DSG1: variants seen among roughly 807,000 people sequenced by gnomAD.
DSG1 encodes the protein desmoglein 1.
In DSG1, 39 loss-of-function variants were observed where a neutral mutation model predicts 97.5. That is an observed-to-expected ratio of 0.40 (90% CI 0.31 to 0.52). The LOEUF (loss-of-function observed/expected upper bound fraction) is 0.52, where lower values mean the gene tolerates loss of function less well. Ranked by LOEUF, DSG1 falls within the 20% of genes least tolerant of loss-of-function variation. The pLI, the probability that DSG1 is intolerant of heterozygous loss-of-function variation, is 0.53. For missense variants in DSG1, 1,311 were observed against 1,295.4 expected, an observed-to-expected ratio of 1.01 and a Z score of -0.18; for synonymous variants, 475 against 443.4, an observed-to-expected ratio of 1.07 and a Z score of -0.90.
In DSG1 at chr18:31,354,370, G is replaced by T. The variant is rs1411440944; in HGVS notation, c.2174G>T (p.Gly725Val). The change falls in exon 15 of 15, where the codon GGT becomes GTT. Residue 725 changes from glycine (G) to valine (V), a missense_variant. Gly to Val is a moderately radical substitution (Grantham distance 109). Coordinates refer to ENST00000257192, the MANE Select transcript of DSG1 (RefSeq NM_001942.4). ...TGTTTGCTCATATATGACATCGAAG[G>T]TGTAGGTTCCCCTGCTGGCTCTGTG... ...NDCLLIYDIE[G>V]VGSPAGSVGC... 1 of 1,614,076 alleles carries T rather than the reference G, an allele frequency of 6.2e-7. No individual in the cohort carries two copies. Among genetic ancestry groups the T allele is most frequent in the Non-Finnish European group, 8.5e-7 (1 of 1,180,040 alleles).
rs1286699612 is a variant in DSG1 at position 31,334,017 on chromosome 18, T to G, written c.820T>G (p.Tyr274Asp). ...DNIPYMEQSS[Y>D]TIEIQENTLN... ...TAAGAGTTTTCACTTCTTGTTTCAG[T>G]ATACCATAGAAATTCAAGAAAATAC... The change falls in exon 8 of 15, where the codon TAT (tyrosine) becomes GAT (aspartate). Residue 274 changes from tyrosine (Y) to aspartate (D), a missense_variant and splice_region_variant. This residue lies in a region of DSG1 where 1,038 missense variants were observed against 964.6 expected (regional missense o/e 1.08). Transcript: ENST00000257192. 5 of 1,596,018 alleles carry G rather than the reference T, an allele frequency of 3.1e-6. No homozygotes were observed. Among genetic ancestry groups the G allele is most frequent in the Non-Finnish European group, 4.3e-6 (5 of 1,164,020 alleles).
At chr18:31,332,563 T>C (rs1232743496) in intron 6 of DSG1, among the ~76,000 whole-genome samples, 7 of 150,988 alleles carry the variant, frequency 4.6e-5, no homozygotes, top group Admixed American at 4.6e-4. Context: ...ATAAGTGCTT[T>C]TTCATTATTT....
In DSG1 at chr18:31,352,099, A is replaced by G. The variant is rs369314709; in HGVS notation, c.2101-2198A>G. On this transcript the variant is annotated intron_variant, in intron 14 of 14. Transcript: ENST00000257192. Reference sequence around the variant, plus strand: ...TTACATTTTGGCATGATTTTGCAGCAGCTGGTACCGGTTGTTCCTTTCCAT... The same window carrying G: ...TTACATTTTGGCATGATTTTGCAGCGGCTGGTACCGGTTGTTCCTTTCCAT... 7.9e-5 allele frequency among the ~76,000 whole-genome samples: 12 copies of G among 151,930 alleles called. No homozygotes were observed. The South Asian group carries it at 8.3e-4, about 11-fold the overall frequency.
Position 31,336,370 on chromosome 18 carries a change from C to T in DSG1, c.1022C>T (p.Ala341Val), listed in dbSNP as rs1171909344. The change falls in exon 9 of 15, where the codon GCT (alanine) becomes GTT (valine). Residue 341 changes from alanine to valine, a missense_variant. By Grantham distance (64) the Ala-to-Val change is moderately conservative. This residue lies in a region of DSG1 where 1,038 missense variants were observed against 964.6 expected (regional missense o/e 1.08). Transcript: ENST00000257192. ...LKVVKPLDYEAMQSLQLSIGV... is the reference protein window; with the variant it reads ...LKVVKPLDYEVMQSLQLSIGV... ...ATTTTCTAGCCCTTAGATTATGAAGCTATGCAGAGTCTGCAACTCAGTATT... is the reference window on the plus strand; with the variant it reads ...ATTTTCTAGCCCTTAGATTATGAAGTTATGCAGAGTCTGCAACTCAGTATT... 9 of 1,613,518 alleles carry T rather than the reference C, an allele frequency of 5.6e-6. No individual in the cohort carries two copies. The highest frequency in any genetic ancestry group is 1.3e-5 in the African/African-American group (1 of 75,010).
At chr18:31,336,267 G>GATT (rs74277377) in intron 8 of DSG1, 87 bp from the exon 9 acceptor site, 136 of 1,198,070 alleles carry the variant, frequency 1.1e-4, no homozygotes, top group South Asian at 2.8e-4. Context: ...AAGATAATAA[G>GATT]TTTTTTTTGC....
In DSG1 at chr18:31,329,922, C is replaced by G; in HGVS notation, c.403C>G (p.Gln135Glu). ...CTGCCGAGCTCTGAACTCAATGGGC[C>G]AAGATTTAGAGAGGCCTCTAGAGCT... ...IYCRALNSMG[Q>E]DLERPLELRV... Residue 135 changes from glutamine (Q) to glutamate (E), a missense_variant, in exon 5 of 15, where the codon CAA (glutamine) becomes GAA (glutamate). Gln to Glu is a conservative substitution (Grantham distance 29, BLOSUM62 2). Coordinates refer to ENST00000257192, the MANE Select transcript of DSG1 (RefSeq NM_001942.4). 2 of 1,613,162 alleles carry G rather than the reference C, an allele frequency of 1.2e-6. No individual in the cohort carries two copies. The highest frequency in any genetic ancestry group is 1.7e-6 in the Non-Finnish European group (2 of 1,179,344).
At chr18:31,335,972 A>C (rs2071749316) in intron 8 of DSG1, among the ~76,000 whole-genome samples, 2 of 151,884 alleles carry the variant, frequency 1.3e-5, no homozygotes, top group Non-Finnish European at 2.9e-5. Flanking sequence ...TATTTGACCC[A>C]TACTGTGTAA....
rs1317313109 is a variant in DSG1 at position 31,357,448 on chromosome 18, A to G, written c.*2102A>G. Among the ~76,000 whole-genome samples the G allele has an allele frequency of 6.6e-6, 1 of 152,058 alleles. No individual in the cohort carries two copies. Among genetic ancestry groups the G allele is most frequent in the Non-Finnish European group, 1.5e-5 (1 of 67,936 alleles). On this transcript the variant is annotated 3_prime_UTR_variant, in exon 15 of 15. Transcript: ENST00000257192. ...GAATAGAAATAAGTATTAATGAATT[A>G]ATTAAGTAATTTATTAAAGGGAATG...
chr18:31,336,829 T>C lies in DSG1; in HGVS notation c.1265+216T>C, dbSNP rs906565798. Among the ~76,000 whole-genome samples, 6 of 152,314 alleles carry C rather than the reference T, an allele frequency of 3.9e-5. No homozygotes were observed. In the East Asian group the frequency reaches 1.2e-3, roughly 29 times the overall value. ...TGTAAGATGTTAAACTGTAAAGATG[T>C]GATATGTGAAAATAATATGTCTCAA... On this transcript the variant is annotated intron_variant, in intron 9 of 14. Coordinates refer to ENST00000257192, the MANE Select transcript of DSG1 (RefSeq NM_001942.4).
intron 1 of DSG1, among the ~76,000 whole-genome samples, 180 bp downstream of exon 1, chr18:31,318,528 A>C (rs1407234556): frequency 4.6e-5 from 7 of 152,176 alleles, no homozygotes; most frequent in African/African-American, 1.7e-4. Context: ...TTGAAGACTC[A>C]AGATCATGTT....
At chr18:31,329,005 A>T (rs1034036641) in intron 4 of DSG1, among the ~76,000 whole-genome samples, 2 of 152,140 alleles carry the variant, frequency 1.3e-5, no homozygotes, top group Non-Finnish European at 2.9e-5. Flanking sequence ...GACCAACTTT[A>T]TGAAAAAGGC....
In DSG1 at chr18:31,357,353, T is replaced by C. The variant is rs1029521890; in HGVS notation, c.*2007T>C. 6.6e-6 allele frequency among the ~76,000 whole-genome samples: 1 copy of C among 152,060 alleles called. No individual in the cohort carries two copies. The highest frequency in any genetic ancestry group is 2.4e-5 in the African/African-American group (1 of 41,428). On this transcript the variant is annotated 3_prime_UTR_variant, in exon 15 of 15. Coordinates refer to ENST00000257192, the MANE Select transcript of DSG1 (RefSeq NM_001942.4). Reference sequence around the variant, plus strand: ...GGGGCCACATTAAGGATGGGTAATCTTTCCAGGAATAAAGTCAAAAGGTAT... The same window carrying C: ...GGGGCCACATTAAGGATGGGTAATCCTTCCAGGAATAAAGTCAAAAGGTAT...
At chr18:31,328,440 A>C in intron 4 of DSG1, 96 bp downstream of exon 4, 7 of 1,314,596 alleles carry the variant, frequency 5.3e-6, no homozygotes, top group Non-Finnish European at 7.5e-6. Context: ...CAAGAGTCTC[A>C]ATATTTGGCA....
chr18:31,338,245 T>C (rs1162809093), intron 9 of DSG1, 70 bp from the exon 10 acceptor site: 1 of 1,473,804 alleles, frequency 6.8e-7, no homozygotes, highest in African/African-American at 1.4e-5. Context: ...AAAAAAACAA[T>C]ACATTTTAAA....
At chr18:31,321,655 C>T (rs1316082943) in intron 1 of DSG1, among the ~76,000 whole-genome samples, 1 of 152,198 alleles carries the variant, frequency 6.6e-6, no homozygotes, top group Non-Finnish European at 1.5e-5. Flanking sequence ...AAAGTAAAAA[C>T]ATTTTGTCAT....
chr18:31,344,071 T>C (rs1281529412), intron 13 of DSG1, 76 bp downstream of exon 13: 2 of 1,073,990 alleles, frequency 1.9e-6, no homozygotes, highest in African/African-American at 1.6e-5. Context: ...TTATTGTTTT[T>C]TAATTATCTT....
intron 5 of DSG1, among the ~76,000 whole-genome samples, 173 bp downstream of exon 5, chr18:31,330,209 G>A (rs962064750): frequency 5.3e-5 from 8 of 152,202 alleles, no homozygotes; most frequent in East Asian, 1.9e-4. Flanking sequence ...GACACAAGGC[G>A]TGATTCCAAA....
At position 31,333,620 on chromosome 18, in the gene DSG1, G is replaced by C; in HGVS notation, c.716G>C (p.Gly239Ala). The C allele has an allele frequency of 6.2e-7, 1 of 1,613,880 alleles. No individual in the cohort carries two copies. Among genetic ancestry groups the C allele is most frequent in the South Asian group, 1.1e-5 (1 of 91,058 alleles). ...GGCCAGTATGCTCTTGCTGTAAGAG[G>C]CTCTGACCGAGATGGCGGGGCAGAT... Reference protein sequence around the residue: ...QYGQYALAVRGSDRDGGADGM... With the variant: ...QYGQYALAVRASDRDGGADGM... The change falls in exon 7 of 15, where the codon GGC becomes GCC. Residue 239 changes from glycine (G) to alanine (A), a missense_variant. Physicochemically the swap from Gly to Ala is moderately conservative, Grantham distance 60. Coordinates refer to ENST00000257192, the MANE Select transcript of DSG1 (RefSeq NM_001942.4).
chr18:31,342,505 C>A (rs541207045), intron 11 of DSG1, among the ~76,000 whole-genome samples: 1 of 151,934 alleles, frequency 6.6e-6, no homozygotes, highest in East Asian at 1.9e-4. Context: ...TTTACACATT[C>A]TTTCTTTCAT....
Sources: allele counts gnomAD v4.1 joint callset (sites outside exome capture counted in the v4.1 genomes callset), GRCh38; gene constraint gnomAD v4.1.1; regional missense constraint gnomAD v4.1.1; transcripts MANE v1.5; gene names NCBI Gene and HGNC (gene_info 2026-07-23, HGNC 2026-07-21).